ITPR1: variants seen among roughly 807,000 people sequenced by gnomAD.
The protein encoded by ITPR1 is inositol 1,4,5-trisphosphate receptor type 1.
Under a neutral mutation model 318.4 loss-of-function variants are expected in ITPR1, and 96 were observed. The ratio of observed to expected loss-of-function variants is 0.30; its 90% CI spans 0.26 to 0.36. The LOEUF (loss-of-function observed/expected upper bound fraction) is 0.36. ITPR1 is among the 10% of genes least tolerant of loss of function. The pLI is 1.00. For missense variants in ITPR1, 2,440 were observed against 3,460.2 expected (o/e 0.71, Z 7.40); for synonymous variants, 1,312 against 1,289.9 (o/e 1.02, Z -0.37).
chr3:4,497,437 A>T (rs748141616), intron 2 of ITPR1, among the ~76,000 whole-genome samples: 1 of 152,244 alleles, frequency 6.6e-6, no homozygotes, highest in African/African-American at 2.4e-5. Flanking sequence ...TGAACAAACC[A>T]TCCCGTTCCC....
At chr3:4,802,093 C>A (rs900683821) in intron 54 of ITPR1, among the ~76,000 whole-genome samples, 1 of 152,148 alleles carries the variant, frequency 6.6e-6, no homozygotes, top group African/African-American at 2.4e-5. Context: ...AAAAAGGGTT[C>A]CGTGATTGAA....
At chr3:4,518,205 A>AACCTCAAC (rs1323748661) in intron 3 of ITPR1, among the ~76,000 whole-genome samples, 4 of 152,054 alleles carry the variant, frequency 2.6e-5, no homozygotes, top group African/African-American at 9.7e-5. Context: ...TGCCTGGTTA[A>AACCTCAAC]ACCTCAACCC....
intron 4 of ITPR1, among the ~76,000 whole-genome samples, chr3:4,575,256 C>T (rs1055772248): frequency 3.9e-5 from 6 of 152,136 alleles, no homozygotes; most frequent in Non-Finnish European, 5.9e-5. Flanking sequence ...TCACACTCAT[C>T]TTTGGGGGAG....
intron 37 of ITPR1, among the ~76,000 whole-genome samples, chr3:4,707,327 G>A (rs1403462409): frequency 6.6e-6 from 1 of 152,158 alleles, no homozygotes; most frequent in Non-Finnish European, 1.5e-5. Flanking sequence ...GACTGCGGTT[G>A]GACTCATCTT....
chr3:4,575,465 T>C (rs1436349109), intron 4 of ITPR1, among the ~76,000 whole-genome samples: 1 of 152,172 alleles, frequency 6.6e-6, no homozygotes, highest in African/African-American at 2.4e-5. Flanking sequence ...TTATTAAATA[T>C]CATCACCCTC....
At chr3:4,646,208 GA>G (rs2093452859) in intron 10 of ITPR1, among the ~76,000 whole-genome samples, 1 of 152,222 alleles carries the variant, frequency 6.6e-6, no homozygotes, top group Admixed American at 6.5e-5. Flanking sequence ...TATACACCCA[GA>G]TAACTGGAAC....
chr3:4,839,281 C>T (rs571626806), intron 61 of ITPR1, among the ~76,000 whole-genome samples: 2 of 151,874 alleles, frequency 1.3e-5, no homozygotes, highest in African/African-American at 4.8e-5. Flanking sequence ...GAGCCGAGAT[C>T]ACGTCACTGC....
rs117319501 is a variant in ITPR1 at position 4,718,058 on chromosome 3, G to A, written c.5136+659G>A. ...TACTTATATATCAAGCTAGTTTCCC[G>A]TACCCAGAATTACCATGGAGACTGA... is the stretch of plus-strand genomic sequence containing the variant. On this transcript the variant is annotated intron_variant, in intron 40 of 61. Coordinates refer to ENST00000649015, the MANE Select transcript of ITPR1 (RefSeq NM_001378452.1). 2.6e-4 allele frequency among the ~76,000 whole-genome samples: 40 copies of A among 152,242 alleles called. 1 individual carries two copies. In the East Asian group the frequency reaches 6.6e-3, roughly 25 times the overall value.
intron 50 of ITPR1, 74 bp from the exon 51 acceptor site, chr3:4,783,742 A>G (rs951312010): frequency 8.5e-7 from 1 of 1,175,000 alleles, no homozygotes; most frequent in Non-Finnish European, 1.2e-6. Context: ...TAAATACCCA[A>G]CATGAGAAAG....
In ITPR1 at chr3:4,834,517, C is replaced by T. The variant is rs1245456408; in HGVS notation, c.8029-2257C>T. Among the ~76,000 whole-genome samples the T allele has an allele frequency of 2.6e-5, 4 of 152,272 alleles. No individual in the cohort carries two copies. The East Asian group carries it at 7.7e-4, about 29-fold the overall frequency. On this transcript the variant is annotated intron_variant, in intron 60 of 61. Transcript: ENST00000649015. ...TGGTTTGTGGCTTCAGCAGCCCAGCCCACGTCATCCCTCCTCCCCTCGCCC... is the reference window on the plus strand; with the variant it reads ...TGGTTTGTGGCTTCAGCAGCCCAGCTCACGTCATCCCTCCTCCCCTCGCCC...
rs766012087 is a variant in ITPR1 at position 4,826,099 on chromosome 3, C to T, written c.8028+7857C>T. Among the ~76,000 whole-genome samples the T allele has an allele frequency of 7.9e-5, 12 of 152,370 alleles. No homozygotes were observed. The highest frequency in any genetic ancestry group is 1.3e-4 in the Non-Finnish European group (9 of 68,034). On this transcript the variant is annotated intron_variant, in intron 60 of 61. Transcript: ENST00000649015. The surrounding 1 kb of genome is among the most constrained non-coding windows in gnomAD (Gnocchi z 4.2). Reference sequence around the variant, plus strand: ...GGTCTGACCTTTCTGCCCGCCTGTGCACCTCCTCTGTGCATGAAGCAGGCA... The same window carrying T: ...GGTCTGACCTTTCTGCCCGCCTGTGTACCTCCTCTGTGCATGAAGCAGGCA...
chr3:4,614,242 G>A lies in ITPR1; in HGVS notation c.164-13521G>A, dbSNP rs532382362. Among the ~76,000 whole-genome samples, 28 of 152,218 alleles carry A rather than the reference G, an allele frequency of 1.8e-4. No individual in the cohort carries two copies. In the South Asian group the frequency reaches 5.8e-3, roughly 32 times the overall value. ...GATCACGCCACTGTGCTCCAGCCTG[G>A]GTGACAGAACAAGACCTTATCTTAA... On this transcript the variant is annotated intron_variant, in intron 4 of 61. Coordinates refer to ENST00000649015, the MANE Select transcript of ITPR1 (RefSeq NM_001378452.1).
chr3:4,681,910 C>G (rs2094310313), intron 26 of ITPR1, among the ~76,000 whole-genome samples: 1 of 151,574 alleles, frequency 6.6e-6, no homozygotes, highest in South Asian at 2.1e-4. Flanking sequence ...TGTATGAACC[C>G]CTTTAAAAAA....
intron 4 of ITPR1, among the ~76,000 whole-genome samples, chr3:4,580,839 G>C (rs1285838419): frequency 6.6e-6 from 1 of 151,458 alleles, no homozygotes; most frequent in African/African-American, 2.5e-5. Flanking sequence ...TGGGCACATA[G>C]GGTGAGTGGC....
rs535369046 is a variant in ITPR1, at chr3:4,646,883, C to T, written c.855+1155C>T. 2.6e-5 allele frequency among the ~76,000 whole-genome samples: 4 copies of T among 152,150 alleles called. No individual in the cohort carries two copies. The South Asian group carries it at 6.2e-4, about 24-fold the overall frequency. On this transcript the variant is annotated intron_variant, in intron 10 of 61. Transcript: ENST00000649015. ...TCTGTCTCTGCTTGCGTTCTCTTTT[C>T]CTCCTCCCTAGCTTCAATTGTTTCA...
At chr3:4,622,434 C>A (rs1163493674) in intron 4 of ITPR1, among the ~76,000 whole-genome samples, 1 of 147,834 alleles carries the variant, frequency 6.8e-6, no homozygotes, top group Non-Finnish European at 1.5e-5. Context: ...TTCTTTCTTT[C>A]TTTATTTTGA....
chr3:4,624,270 A>C (rs1156277146), intron 4 of ITPR1, among the ~76,000 whole-genome samples: 1 of 152,234 alleles, frequency 6.6e-6, no homozygotes, highest in Non-Finnish European at 1.5e-5. Flanking sequence ...AAAGTAAGTC[A>C]TGTGTCAAAT....
At chr3:4,661,476 C>T (rs1324709593) in intron 14 of ITPR1, among the ~76,000 whole-genome samples, 1 of 152,120 alleles carries the variant, frequency 6.6e-6, no homozygotes, top group Non-Finnish European at 1.5e-5. Flanking sequence ...TGTCAATATA[C>T]ACTTTTATTT....
intron 31 of ITPR1, among the ~76,000 whole-genome samples, chr3:4,689,003 A>G (rs2094440248): frequency 6.6e-6 from 1 of 152,212 alleles, no homozygotes; most frequent in Admixed American, 6.5e-5. Flanking sequence ...TCCATATCAA[A>G]CATATCTGTA....
Sources: allele counts gnomAD v4.1 joint callset (sites outside exome capture counted in the v4.1 genomes callset), GRCh38; gene constraint gnomAD v4.1.1; non-coding constraint Gnocchi (gnomAD v3.1); transcripts MANE v1.5; gene names NCBI Gene and HGNC (gene_info 2026-07-23, HGNC 2026-07-21).